STAU2: variants seen among roughly 807,000 people sequenced by gnomAD.
The protein encoded by STAU2 is double-stranded RNA-binding protein Staufen homolog 2.
A neutral mutation model predicts 65.9 loss-of-function variants in STAU2; 20 were observed. That is an observed-to-expected ratio of 0.30 (90% CI 0.21 to 0.44). The LOEUF is 0.44. Ranked by LOEUF, STAU2 falls within the 20% of genes least tolerant of loss-of-function variation. The probability of loss-of-function intolerance (pLI) is 1.00; values close to 1 mark genes in which losing one functional copy is unlikely to be tolerated. For synonymous variants in STAU2, 232 were observed against 233.9 expected (o/e 0.99, Z 0.07); for missense variants, 558 against 683.9 (o/e 0.82, Z 2.05).
At chr8:73,430,804 A>C (rs1295438214) in intron 13 of STAU2, among the ~76,000 whole-genome samples, 1 of 152,250 alleles carries the variant, frequency 6.6e-6, no homozygotes, top group Non-Finnish European at 1.5e-5. Flanking sequence ...GCTAGAGGCC[A>C]GTTGCTTTAA....
chr8:73,593,531 T>C (rs1005810449), intron 11 of STAU2, among the ~76,000 whole-genome samples: 1 of 152,224 alleles, frequency 6.6e-6, no homozygotes, highest in Non-Finnish European at 1.5e-5. Flanking sequence ...TAACTTTACA[T>C]GTCAACTTCT....
chr8:73,710,764 C>T lies in STAU2; in HGVS notation c.-17-1602G>A, dbSNP rs150010678. On this transcript the variant is annotated intron_variant, in intron 3 of 14. Coordinates refer to ENST00000524300, the MANE Select transcript of STAU2 (RefSeq NM_001164380.2). ...GCCAAAATATATTTTAAAATCTAAG[C>T]ATAAAACATGCAAGTGGATTACTTC... Among the ~76,000 whole-genome samples the T allele has an allele frequency of 4.1e-4, 62 of 151,898 alleles. 1 individual carries two copies. In the Middle Eastern group the frequency reaches 0.01, roughly 25 times the overall value.
intron 13 of STAU2, among the ~76,000 whole-genome samples, chr8:73,471,492 A>G (rs1022595893): frequency 2.8e-5 from 4 of 144,340 alleles, no homozygotes; most frequent in African/African-American, 1.0e-4. Flanking sequence ...TCGGCCTCAT[A>G]TTATAATTCT....
At chr8:73,660,424 G>A (rs1435743372) in intron 6 of STAU2, among the ~76,000 whole-genome samples, 6 of 152,294 alleles carry the variant, frequency 3.9e-5, no homozygotes, top group South Asian at 4.2e-4. Context: ...GCGAGACACC[G>A]GCTCAGGACC....
chr8:73,554,614 G>C (rs1807584131), intron 12 of STAU2, among the ~76,000 whole-genome samples: 2 of 152,156 alleles, frequency 1.3e-5, no homozygotes, highest in South Asian at 4.2e-4. Flanking sequence ...CTGGTTTCAT[G>C]CTCACCCGGC....
chr8:73,451,754 T>G (rs1247017548), intron 13 of STAU2, among the ~76,000 whole-genome samples: 2 of 152,138 alleles, frequency 1.3e-5, no homozygotes, highest in African/African-American at 4.8e-5. Flanking sequence ...ATTTTTTTAA[T>G]GATTAGGTTT....
At chr8:73,546,380 C>T (rs1053246463) in intron 13 of STAU2, among the ~76,000 whole-genome samples, 9 of 152,040 alleles carry the variant, frequency 5.9e-5, no homozygotes, top group Non-Finnish European at 1.3e-4. Flanking sequence ...AGACTATGGG[C>T]CACCACCACA....
Position 73,636,923 on chromosome 8 carries a change from A to G in STAU2, c.411-19472T>C, listed in dbSNP as rs557113030. Among the ~76,000 whole-genome samples the G allele has an allele frequency of 5.3e-5, 8 of 152,168 alleles. No homozygotes were observed. The South Asian group carries it at 1.7e-3, about 32-fold the overall frequency. On this transcript the variant is annotated intron_variant, in intron 6 of 14. Coordinates refer to ENST00000524300, the MANE Select transcript of STAU2 (RefSeq NM_001164380.2). ...ACTATGTTCAAAGAGATCAAAGAAAATATGCTTTTAATGAATAAATGTATG... is the reference window on the plus strand; with the variant it reads ...ACTATGTTCAAAGAGATCAAAGAAAGTATGCTTTTAATGAATAAATGTATG...
rs117455201 is a variant in STAU2 at position 73,696,475 on chromosome 8, C to G, written c.115-7662G>C. ...TCAAAATAGCTGTTTTGAGGAAACT[C>G]AAAGAAATTCAAGACAACACAGAAA... On this transcript the variant is annotated intron_variant, in intron 4 of 14. Transcript: ENST00000524300. 8.5e-5 allele frequency among the ~76,000 whole-genome samples: 13 copies of G among 152,236 alleles called. No individual in the cohort carries two copies. The East Asian group carries it at 2.3e-3, about 27-fold the overall frequency.
chr8:73,663,856 T>C (rs1270077501), intron 6 of STAU2, among the ~76,000 whole-genome samples: 1 of 152,218 alleles, frequency 6.6e-6, no homozygotes, highest in Non-Finnish European at 1.5e-5. Context: ...GAAATACCAC[T>C]GATTTTTGTA....
chr8:73,619,744 G>A (rs1238364239), intron 6 of STAU2, among the ~76,000 whole-genome samples: 2 of 152,046 alleles, frequency 1.3e-5, no homozygotes, highest in African/African-American at 4.8e-5. Context: ...AAGTGCAAGG[G>A]AAACAATAGA....
intron 1 of STAU2, among the ~76,000 whole-genome samples, chr8:73,745,874 C>G (rs1432799091): frequency 6.6e-6 from 1 of 152,166 alleles, no homozygotes; most frequent in Non-Finnish European, 1.5e-5. Flanking sequence ...ATTACCCCCA[C>G]CGCCTCCCTA....
intron 3 of STAU2, among the ~76,000 whole-genome samples, chr8:73,727,462 A>C (rs1805726834): frequency 1.3e-5 from 2 of 152,212 alleles, no homozygotes; most frequent in Admixed American, 1.3e-4. Flanking sequence ...ACATAAATGG[A>C]ATCATACAAT....
intron 13 of STAU2, among the ~76,000 whole-genome samples, chr8:73,460,486 C>T (rs930677414): frequency 2.0e-5 from 3 of 152,182 alleles, no homozygotes; most frequent in Middle Eastern, 3.2e-3. Context: ...CTCCTTGTCA[C>T]CTTTCCTGGA....
At chr8:73,571,939 A>G (rs1809124705) in intron 12 of STAU2, among the ~76,000 whole-genome samples, 1 of 152,264 alleles carries the variant, frequency 6.6e-6, no homozygotes, top group East Asian at 1.9e-4. Context: ...AAACCCTTCA[A>G]AAAAAATCAA....
chr8:73,626,660 A>C (rs1026370817), intron 6 of STAU2, among the ~76,000 whole-genome samples: 10 of 152,212 alleles, frequency 6.6e-5, no homozygotes, highest in African/African-American at 2.4e-4. Context: ...CATTATATCA[A>C]GGTGGACTAG....
chr8:73,685,224 C>G (rs764697561), intron 5 of STAU2, among the ~76,000 whole-genome samples: 1 of 152,086 alleles, frequency 6.6e-6, no homozygotes, highest in Non-Finnish European at 1.5e-5. Flanking sequence ...TAAACTTCCT[C>G]CTTTCCTTCA....
chr8:73,740,838 T>TA (rs1806802146), intron 1 of STAU2, among the ~76,000 whole-genome samples: 1 of 151,876 alleles, frequency 6.6e-6, no homozygotes, highest in Non-Finnish European at 1.5e-5. Flanking sequence ...CTGTCTCTAC[T>TA]AAAAATACAA....
intron 3 of STAU2, 85 bp downstream of exon 3, chr8:73,738,199 A>G (rs1471125729): frequency 3.2e-6 from 4 of 1,236,564 alleles, no homozygotes; most frequent in African/African-American, 1.5e-5. Context: ...TTACAGTTAT[A>G]GAAAAGAAAA....
Sources: gnomAD v4.1 joint callset for allele counts (sites outside exome capture counted in the v4.1 genomes callset) on GRCh38, gnomAD v4.1.1 for gene constraint, MANE v1.5 for transcripts, NCBI Gene and HGNC (gene_info 2026-07-23, HGNC 2026-07-21) for gene names.